EPHA7: variants seen among roughly 807,000 people sequenced by gnomAD.
EPHA7 encodes the protein ephrin type-A receptor 7.
In EPHA7, 25 loss-of-function variants were observed where a neutral mutation model predicts 112.6. The ratio of observed to expected loss-of-function variants is 0.22; its 90% CI spans 0.16 to 0.31. The LOEUF (loss-of-function observed/expected upper bound fraction) is 0.31. Among genes scored for constraint, EPHA7 ranks in the 10% least tolerant of loss-of-function variants. EPHA7 has a pLI of 1.00. For synonymous variants in EPHA7, 437 were observed against 406.5 expected, an observed-to-expected ratio of 1.07 and a Z score of -0.90; for missense variants, 962 against 1,212.6, an observed-to-expected ratio of 0.79 and a Z score of 3.07.
At chr6:93,362,156 A>G (rs1163009249) in intron 3 of EPHA7, among the ~76,000 whole-genome samples, 1 of 152,012 alleles carries the variant, frequency 6.6e-6, no homozygotes, top group Non-Finnish European at 1.5e-5. Context: ...AAAACCTGTA[A>G]TCTTGTCAGA....
chr6:93,417,730 A>C (rs988180183), intron 1 of EPHA7, among the ~76,000 whole-genome samples: 4 of 151,988 alleles, frequency 2.6e-5, no homozygotes, highest in African/African-American at 9.7e-5. Context: ...GGGGAGTAGA[A>C]ATGTGGTTTT....
intron 1 of EPHA7, among the ~76,000 whole-genome samples, chr6:93,418,035 A>T (rs1779332828): frequency 6.6e-6 from 1 of 152,114 alleles, no homozygotes; most frequent in African/African-American, 2.4e-5. Flanking sequence ...CCGCCCGATA[A>T]CCACCATGAC....
At chr6:93,264,486 A>G in intron 8 of EPHA7, 108 bp downstream of exon 8, 1 of 584,146 alleles carries the variant, frequency 1.7e-6, no homozygotes, top group Non-Finnish European at 2.9e-6. Flanking sequence ...ATATCAAAGA[A>G]TGTTTGCATT....
In EPHA7 at chr6:93,358,248, C is replaced by G. The variant is rs144270635; in HGVS notation, c.988+8G>C. 1 of 1,595,762 alleles carries G rather than the reference C, an allele frequency of 6.3e-7. No individual in the cohort carries two copies. Among genetic ancestry groups the G allele is most frequent in the South Asian group, 1.1e-5 (1 of 88,056 alleles). On this transcript the variant is annotated splice_region_variant and intron_variant, in intron 4 of 16. Transcript: ENST00000369303. Reference sequence around the variant, plus strand: ...TGGAAAGTCCTTTACTTTCATAATACAACTCACTTGTGCACGCAACGTATG... The same window carrying G: ...TGGAAAGTCCTTTACTTTCATAATAGAACTCACTTGTGCACGCAACGTATG...
chr6:93,333,097 C>A (rs1774680248), intron 5 of EPHA7, among the ~76,000 whole-genome samples: 1 of 151,790 alleles, frequency 6.6e-6, no homozygotes, highest in Admixed American at 6.6e-5. Flanking sequence ...TCTCTGTACT[C>A]AGTGTTCAGC....
At chr6:93,247,988 C>G (rs1770033387) in intron 14 of EPHA7, among the ~76,000 whole-genome samples, 1 of 151,550 alleles carries the variant, frequency 6.6e-6, no homozygotes. Context: ...GGGAAGAGAA[C>G]AAGAAGACAA....
chr6:93,365,226 T>C (rs1381028442), intron 3 of EPHA7, among the ~76,000 whole-genome samples: 4 of 152,220 alleles, frequency 2.6e-5, no homozygotes, highest in African/African-American at 9.6e-5. Flanking sequence ...GCCACAGTTA[T>C]GCAGCTGTAA....
chr6:93,299,973 G>T (rs543738040), intron 5 of EPHA7, among the ~76,000 whole-genome samples: 1 of 152,282 alleles, frequency 6.6e-6, no homozygotes, highest in South Asian at 2.1e-4. Flanking sequence ...GAGCCTACTT[G>T]AAGATGGATG....
At chr6:93,260,921 G>A (rs553957268) in intron 9 of EPHA7, 1 of 179,398 alleles carries the variant, frequency 5.6e-6, no homozygotes, top group African/African-American at 2.4e-5. Flanking sequence ...TAGATTGGCA[G>A]GCAGATGGAG....
At chr6:93,336,893 TA>T (rs35715060) in intron 5 of EPHA7, among the ~76,000 whole-genome samples, 57 of 146,712 alleles carry the variant, frequency 3.9e-4, no homozygotes, top group South Asian at 4.3e-4. Flanking sequence ...ATTATTTTTG[TA>T]AAAAAAAAAA....
chr6:93,358,909 T>A (rs1295091013), intron 3 of EPHA7, among the ~76,000 whole-genome samples: 3 of 152,112 alleles, frequency 2.0e-5, no homozygotes, highest in South Asian at 2.1e-4. Flanking sequence ...CTATGTAAAA[T>A]TTTTCACCTG....
intron 3 of EPHA7, among the ~76,000 whole-genome samples, chr6:93,374,113 T>C (rs1197332124): frequency 6.6e-6 from 1 of 152,132 alleles, no homozygotes. Flanking sequence ...AAAAAAATAT[T>C]CAGGTCAAAT....
chr6:93,368,207 AC>A (rs959053927), intron 3 of EPHA7, among the ~76,000 whole-genome samples: 1 of 152,140 alleles, frequency 6.6e-6, no homozygotes, highest in Non-Finnish European at 1.5e-5. Flanking sequence ...ATAGTAAATT[AC>A]TTATATAAAT....
chr6:93,382,193 G>A (rs554557655), intron 3 of EPHA7, among the ~76,000 whole-genome samples: 20 of 152,256 alleles, frequency 1.3e-4, no homozygotes, highest in Admixed American at 9.2e-4. Flanking sequence ...ACCAGGGACT[G>A]GTTTTGCGGA....
chr6:93,292,995 C>T (rs908924537), intron 5 of EPHA7, among the ~76,000 whole-genome samples: 7 of 151,986 alleles, frequency 4.6e-5, no homozygotes, highest in African/African-American at 1.7e-4. Context: ...TTAGAAGATG[C>T]TAGTAAATGA....
rs976861296 is a variant in EPHA7 at position 93,245,345 on chromosome 6, C to T, written c.2835G>A (p.Thr945=). The part of the protein sequence containing the change: ...IKMERYKDNF[T]AAGYNSLESV... ...ATTCAAGGGAATTGTAGCCAGCTGC[C>T]GTGAAATTATCTTTATATCTTTCCA... Residue 945 remains threonine, a synonymous_variant, in exon 16 of 17, where the codon ACG becomes ACA. Coordinates refer to ENST00000369303, the MANE Select transcript of EPHA7 (RefSeq NM_004440.4). 2.9e-5 allele frequency: 47 copies of T among 1,613,322 alleles called. No homozygotes were observed. Among genetic ancestry groups the T allele is most frequent in the Non-Finnish European group, 3.6e-5 (42 of 1,179,848 alleles).
At chr6:93,267,009 T>C (rs1334640833) in intron 7 of EPHA7, among the ~76,000 whole-genome samples, 1 of 151,802 alleles carries the variant, frequency 6.6e-6, no homozygotes, top group African/African-American at 2.4e-5. Context: ...TTGACTTTTT[T>C]ACTCTCACTT....
At position 93,399,066 on chromosome 6, in the gene EPHA7, G is replaced by C. The variant is rs150141248; in HGVS notation, c.832+11435C>G. Among the ~76,000 whole-genome samples the C allele has an allele frequency of 7.6e-3, 1,149 of 152,122 alleles. 7 individuals are homozygous for C. Among genetic ancestry groups the C allele is most frequent in the South Asian group, 0.028 (135 of 4,826 alleles). ...GAAGGGTGATTGCCCCTTTTCCCTT[G>C]CAAGGGCAGAGAGGTTAAAGTTTAA... On this transcript the variant is annotated intron_variant, in intron 3 of 16. Transcript: ENST00000369303.
intron 6 of EPHA7, 59 bp downstream of exon 6, chr6:93,272,239 C>T: frequency 1.9e-6 from 3 of 1,597,254 alleles, no homozygotes; most frequent in East Asian, 2.2e-5. Flanking sequence ...GTCTACAATA[C>T]AGTAGGATGA....
Sources: allele counts gnomAD v4.1 joint callset (sites outside exome capture counted in the v4.1 genomes callset), GRCh38; gene constraint gnomAD v4.1.1; transcripts MANE v1.5; gene names NCBI Gene and HGNC (gene_info 2026-07-23, HGNC 2026-07-21).